The following CATSPERT variants were observed in gnomAD, a reference collection of about 807,000 sequenced individuals.
The protein encoded by CATSPERT is catsper channel auxiliary subunit tau.
the CATSPERT span, among the ~76,000 whole-genome samples, chr2:201,580,415 T>C: frequency 7.2e-5 from 11 of 152,228 alleles, no homozygotes; most frequent in Admixed American, 1.3e-4. Context: ...AATTAATCAT[T>C]ATTCATTACA....
chr2:201,488,517 A>ATACC, the CATSPERT span, among the ~76,000 whole-genome samples: 1 of 152,240 alleles, frequency 6.6e-6, no homozygotes, highest in East Asian at 1.9e-4. Flanking sequence ...TTGGTAAAAT[A>ATACC]ACTGGAAGGA....
the CATSPERT span, among the ~76,000 whole-genome samples, chr2:201,615,335 A>G: frequency 6.6e-6 from 1 of 152,250 alleles, no homozygotes; most frequent in East Asian, 1.9e-4. Context: ...ATGTAAAAGA[A>G]CAGAAATTAT....
chr2:201,581,546 G>GTATA, the CATSPERT span, among the ~76,000 whole-genome samples: 17 of 14,720 alleles, frequency 1.2e-3, 1 homozygote, highest in Admixed American at 2.2e-3. Context: ...AAAAAAATGT[G>GTATA]TGTATATATA....
chr2:201,615,961 A>T, the CATSPERT span, among the ~76,000 whole-genome samples: 1 of 152,242 alleles, frequency 6.6e-6, no homozygotes. Flanking sequence ...ATCTAGAAGA[A>T]ATGGATAAAT....
At chr2:201,575,115 T>C in the CATSPERT span, among the ~76,000 whole-genome samples, 1 of 151,382 alleles carries the variant, frequency 6.6e-6, no homozygotes, top group Non-Finnish European at 1.5e-5. Flanking sequence ...TTAGTTAATA[T>C]TGTACTTTCT....
chr2:201,576,825 C>T, the CATSPERT span, among the ~76,000 whole-genome samples: 1 of 152,046 alleles, frequency 6.6e-6, no homozygotes, highest in Non-Finnish European at 1.5e-5. Context: ...AACCTTGCAC[C>T]CTCCTAAGAG....
chr2:201,610,315 G>A, the CATSPERT span, among the ~76,000 whole-genome samples: 11 of 152,090 alleles, frequency 7.2e-5, no homozygotes, highest in South Asian at 6.3e-4. Flanking sequence ...AAAATTAGCC[G>A]GGCGTGGTGG....
chr2:201,578,570 T>A, the CATSPERT span, among the ~76,000 whole-genome samples: 1 of 152,144 alleles, frequency 6.6e-6, no homozygotes, highest in Admixed American at 6.5e-5. Flanking sequence ...GGTCTTTTTA[T>A]ATTTTCTATT....
the CATSPERT span, chr2:201,492,560 T>C: frequency 3.3e-6 from 5 of 1,534,922 alleles, no homozygotes; most frequent in Admixed American, 9.9e-5. Context: ...GAAGATATGT[T>C]TGGGTATATA....
At chr2:201,512,683 A>G in the CATSPERT span, among the ~76,000 whole-genome samples, 2 of 152,172 alleles carry the variant, frequency 1.3e-5, no homozygotes, top group African/African-American at 4.8e-5. Context: ...TTCACCAGTT[A>G]AAGGACATCT....
chr2:201,573,715 G>T, the CATSPERT span, among the ~76,000 whole-genome samples: 1 of 151,962 alleles, frequency 6.6e-6, no homozygotes, highest in Non-Finnish European at 1.5e-5. Context: ...GGAGTGCTGT[G>T]GTGTGATCTT....
At chr2:201,569,743 T>C in the CATSPERT span, among the ~76,000 whole-genome samples, 1 of 152,208 alleles carries the variant, frequency 6.6e-6, no homozygotes, top group East Asian at 1.9e-4. Context: ...ATAATTTCTC[T>C]GAGCCTCTAA....
At chr2:201,575,026 C>A in the CATSPERT span, among the ~76,000 whole-genome samples, 1 of 133,412 alleles carries the variant, frequency 7.5e-6, no homozygotes, top group Non-Finnish European at 1.6e-5. Flanking sequence ...TTCTTTATCA[C>A]CATTTAGCAA....
the CATSPERT span, among the ~76,000 whole-genome samples, chr2:201,547,806 G>A: frequency 6.6e-5 from 10 of 152,234 alleles, no homozygotes; most frequent in African/African-American, 9.6e-5. Context: ...TAGTTACCTG[G>A]GGATGGTTAA....
At chr2:201,590,117 C>A in the CATSPERT span, among the ~76,000 whole-genome samples, 8 of 151,926 alleles carry the variant, frequency 5.3e-5, no homozygotes, top group African/African-American at 1.9e-4. Context: ...GTATATCTCC[C>A]AATGCTATCC....
chr2:201,494,389 G>T, the CATSPERT span: 6 of 1,537,342 alleles, frequency 3.9e-6, no homozygotes, highest in Middle Eastern at 1.7e-4. Flanking sequence ...ACATGTGTTT[G>T]CCTGTACATT....
the CATSPERT span, among the ~76,000 whole-genome samples, chr2:201,593,066 G>A: frequency 4.6e-5 from 7 of 151,818 alleles, no homozygotes; most frequent in African/African-American, 7.3e-5. Flanking sequence ...TCTTTTAATT[G>A]TGATGTTAGG....
the CATSPERT span, chr2:201,552,795 T>C: frequency 6.6e-6 from 1 of 152,176 alleles, no homozygotes; most frequent in Non-Finnish European, 1.5e-5. Context: ...TACTCACTCT[T>C]CTTGAATTTG....
chr2:201,562,254 C>G, the CATSPERT span, among the ~76,000 whole-genome samples: 1 of 140,200 alleles, frequency 7.1e-6, no homozygotes, highest in African/African-American at 2.6e-5. Context: ...GTGGCGCGAT[C>G]TCGGCTCACT....
Sources: gnomAD v4.1 joint callset for allele counts (sites outside exome capture counted in the v4.1 genomes callset) on GRCh38, gnomAD v4.1.1 for gene constraint, MANE v1.5 for transcripts, NCBI Gene and HGNC (gene_info 2026-07-23, HGNC 2026-07-21) for gene names.